The following VEGFC variants were observed in gnomAD, a reference collection of about 807,000 sequenced individuals.
VEGFC encodes FLT4 ligand DHM.
Under a neutral mutation model 46.1 loss-of-function variants are expected in VEGFC, and 12 were observed. That is an observed-to-expected ratio of 0.26 (90% CI 0.17 to 0.42). The LOEUF (loss-of-function observed/expected upper bound fraction) is 0.42, where lower values mean the gene tolerates loss of function less well. VEGFC is among the 10% of genes least tolerant of loss of function. The pLI, the probability that VEGFC is intolerant of heterozygous loss-of-function variation, is 1.00. For synonymous variants in VEGFC, 232 were observed against 195.5 expected, an observed-to-expected ratio of 1.19 and a Z score of -1.56; for missense variants, 488 against 529.4, an observed-to-expected ratio of 0.92 and a Z score of 0.77.
chr4:176,786,026 A>T lies in VEGFC; in HGVS notation c.147+6139T>A, dbSNP rs11730233. 8.7e-3 allele frequency among the ~76,000 whole-genome samples: 1,319 copies of T among 152,088 alleles called. 16 individuals are homozygous for T. The highest frequency in any genetic ancestry group is 0.013 in the Non-Finnish European group (859 of 68,008). On this transcript the variant is annotated intron_variant, in intron 1 of 6. Coordinates refer to ENST00000618562, the MANE Select transcript of VEGFC (RefSeq NM_005429.5). ...ATCGCCAGCAATCAGGAGCATATAG[A>T]GGAGTTCGAATACCATATATGGGTG... is the stretch of plus-strand genomic sequence containing the variant.
At chr4:176,720,687 A>C (rs1286325030) in intron 3 of VEGFC, among the ~76,000 whole-genome samples, 1 of 151,656 alleles carries the variant, frequency 6.6e-6, no homozygotes, top group Non-Finnish European at 1.5e-5. Context: ...TACAAATACA[A>C]AAAATTAGCC....
chr4:176,771,884 T>C (rs193057059), intron 1 of VEGFC, among the ~76,000 whole-genome samples: 3 of 152,324 alleles, frequency 2.0e-5, no homozygotes, highest in Admixed American at 6.5e-5. Context: ...TATTCTGTTA[T>C]CAGAGGAGCC....
chr4:176,717,471 A>G (rs1301412455), intron 3 of VEGFC, among the ~76,000 whole-genome samples: 1 of 152,202 alleles, frequency 6.6e-6, no homozygotes, highest in African/African-American at 2.4e-5. Flanking sequence ...GGTTGTTTAC[A>G]GCAGCATAGC....
chr4:176,716,042 T>C (rs1734692876), intron 3 of VEGFC, among the ~76,000 whole-genome samples: 1 of 152,168 alleles, frequency 6.6e-6, no homozygotes, highest in Non-Finnish European at 1.5e-5. Flanking sequence ...GTGATTTCAG[T>C]GTAATGTTTG....
chr4:176,690,074 A>G, intron 4 of VEGFC, among the ~76,000 whole-genome samples: 1 of 152,168 alleles, frequency 6.6e-6, no homozygotes, highest in East Asian at 1.9e-4. Flanking sequence ...TTAGAGAAAA[A>G]ATTTCATACT....
intron 1 of VEGFC, among the ~76,000 whole-genome samples, chr4:176,775,345 AT>A (rs1735797822): frequency 6.6e-6 from 1 of 152,210 alleles, no homozygotes; most frequent in Non-Finnish European, 1.5e-5. Context: ...CTTATTTATC[AT>A]TTGATGTTGA....
At chr4:176,727,384 T>C (rs1021269515) in intron 3 of VEGFC, among the ~76,000 whole-genome samples, 4 of 152,230 alleles carry the variant, frequency 2.6e-5, no homozygotes, top group African/African-American at 9.6e-5. Context: ...CTTTGAATAC[T>C]GTTTGCACTG....
intron 1 of VEGFC, among the ~76,000 whole-genome samples, chr4:176,781,548 G>C (rs1279009033): frequency 1.3e-5 from 2 of 152,166 alleles, no homozygotes; most frequent in African/African-American, 4.8e-5. Context: ...AAGAAATTTG[G>C]AGTGAGTGGA....
intron 4 of VEGFC, among the ~76,000 whole-genome samples, chr4:176,694,287 C>CTTGT (rs1734266847): frequency 6.6e-6 from 1 of 151,602 alleles, no homozygotes; most frequent in Non-Finnish European, 1.5e-5. Context: ...GGAGGAAGAT[C>CTTGT]TACCAAGCAA....
intron 1 of VEGFC, among the ~76,000 whole-genome samples, chr4:176,780,607 C>T (rs72713987): frequency 6.6e-6 from 1 of 152,104 alleles, no homozygotes; most frequent in Non-Finnish European, 1.5e-5. Context: ...CATATGTGTC[C>T]TCCTCCTTCC....
rs190196152 is a variant in VEGFC, at chr4:176,715,188, T to C, written c.553-3538A>G. On this transcript the variant is annotated intron_variant, in intron 3 of 6. Transcript: ENST00000618562. ...CTTAATAACTAATGTCTCATTTCTCTTTTTTGTGTCTAAGTAGCAATTGGC... is the reference window on the plus strand; with the variant it reads ...CTTAATAACTAATGTCTCATTTCTCCTTTTTGTGTCTAAGTAGCAATTGGC... 5.5e-3 allele frequency among the ~76,000 whole-genome samples: 834 copies of C among 152,304 alleles called. 6 individuals are homozygous for C. Among genetic ancestry groups the C allele is most frequent in the African/African-American group, 0.019 (788 of 41,566 alleles).
At chr4:176,723,507 C>A (rs866616468) in intron 3 of VEGFC, among the ~76,000 whole-genome samples, 1 of 99,254 alleles carries the variant, frequency 1.0e-5, no homozygotes, top group African/African-American at 5.2e-5. Flanking sequence ...GTTTGTGGGT[C>A]CATGTGCAGG....
At chr4:176,702,845 T>C (rs924367942) in intron 4 of VEGFC, among the ~76,000 whole-genome samples, 2 of 152,086 alleles carry the variant, frequency 1.3e-5, no homozygotes, top group African/African-American at 4.8e-5. Flanking sequence ...CATAAAAACT[T>C]GTGTTTATTT....
intron 3 of VEGFC, among the ~76,000 whole-genome samples, chr4:176,714,640 C>G (rs1049822028): frequency 3.3e-5 from 5 of 152,174 alleles, no homozygotes; most frequent in African/African-American, 9.7e-5. Context: ...TTTCCCACCC[C>G]TAACCCTTGG....
chr4:176,753,992 A>G (rs1286647293), intron 1 of VEGFC, among the ~76,000 whole-genome samples: 1 of 152,048 alleles, frequency 6.6e-6, no homozygotes, highest in Non-Finnish European at 1.5e-5. Flanking sequence ...CTTACAATGA[A>G]CTCATGAGGG....
intron 4 of VEGFC, among the ~76,000 whole-genome samples, chr4:176,699,508 C>T (rs1238732114): frequency 1.3e-5 from 2 of 152,230 alleles, no homozygotes; most frequent in Non-Finnish European, 2.9e-5. Context: ...ACCCTTCTTG[C>T]CCAAGCTTTC....
intron 4 of VEGFC, chr4:176,705,859 TATG>T (rs983574364): frequency 6.6e-6 from 1 of 152,160 alleles, no homozygotes; most frequent in Non-Finnish European, 1.5e-5. Flanking sequence ...AAATATTCTG[TATG>T]ATGTTATATG....
At chr4:176,717,167 A>C (rs778702073) in intron 3 of VEGFC, among the ~76,000 whole-genome samples, 2 of 152,182 alleles carry the variant, frequency 1.3e-5, no homozygotes, top group African/African-American at 2.4e-5. Flanking sequence ...AAAAAGTTGT[A>C]ATAATACAAT....
chr4:176,755,059 T>C (rs886092197), intron 1 of VEGFC, among the ~76,000 whole-genome samples: 1 of 152,082 alleles, frequency 6.6e-6, no homozygotes, highest in African/African-American at 2.4e-5. Context: ...GTAATTTCTA[T>C]ATTTCACAGT....
Sources: gnomAD v4.1 joint callset for allele counts (sites outside exome capture counted in the v4.1 genomes callset) on GRCh38, gnomAD v4.1.1 for gene constraint, MANE v1.5 for transcripts, NCBI Gene and HGNC (gene_info 2026-07-23, HGNC 2026-07-21) for gene names.